VAC14: variants seen among roughly 807,000 people sequenced by gnomAD.
VAC14 encodes the protein protein VAC14 homolog.
A neutral mutation model predicts 85.3 loss-of-function variants in VAC14; 47 were observed. That is an observed-to-expected ratio of 0.55 (90% CI 0.44 to 0.70). VAC14 has a LOEUF of 0.70. VAC14 is among the 30% of genes least tolerant of loss of function. The pLI is 0.00. For missense variants in VAC14, 861 were observed against 1,004.3 expected, an observed-to-expected ratio of 0.86 and a Z score of 1.93; for synonymous variants, 447 against 430.5, an observed-to-expected ratio of 1.04 and a Z score of -0.47.
intron 18 of VAC14, 46 bp from the exon 19 acceptor site, chr16:70,688,136 A>AG: frequency 6.8e-7 from 1 of 1,469,140 alleles, no homozygotes; most frequent in Non-Finnish European, 9.1e-7. Flanking sequence ...ATCAGCTCAC[A>AG]GGGGGGTTAC....
chr16:70,723,920 T>C (rs577423333), intron 14 of VAC14, among the ~76,000 whole-genome samples: 2 of 152,282 alleles, frequency 1.3e-5, no homozygotes, highest in Admixed American at 6.5e-5. Flanking sequence ...CTCCTGGAAG[T>C]GGGGGTGACC....
At chr16:70,729,448 G>A (rs2054524456) in intron 14 of VAC14, among the ~76,000 whole-genome samples, 1 of 152,106 alleles carries the variant, frequency 6.6e-6, no homozygotes, top group Admixed American at 6.5e-5. Context: ...CCCATCCCCA[G>A]GGTGCCCTCA....
intron 10 of VAC14, chr16:70,766,418 T>C: frequency 2.2e-6 from 1 of 452,896 alleles, no homozygotes. Context: ...TTTCGTGTAT[T>C]AACATTCTCC....
At chr16:70,701,628 A>C (rs1567524673) in intron 14 of VAC14, among the ~76,000 whole-genome samples, 1 of 151,958 alleles carries the variant, frequency 6.6e-6, no homozygotes, top group Admixed American at 6.5e-5. Context: ...TCCTGCCCCC[A>C]CAGTCCACCC....
intron 13 of VAC14, among the ~76,000 whole-genome samples, chr16:70,734,783 C>T (rs772759816): frequency 4.1e-5 from 6 of 146,288 alleles, no homozygotes; most frequent in Admixed American, 2.0e-4. Context: ...TAAAAACCAA[C>T]CAACAAAGAA....
chr16:70,773,766 ATTATTAT>A (rs1184080380), intron 9 of VAC14, among the ~76,000 whole-genome samples: 1 of 151,734 alleles, frequency 6.6e-6, no homozygotes, highest in African/African-American at 2.4e-5. Context: ...AATTATTATT[ATTATTAT>A]TTTTTTTTGA....
chr16:70,694,859 C>T (rs1426047854), intron 17 of VAC14, among the ~76,000 whole-genome samples: 1 of 152,246 alleles, frequency 6.6e-6, no homozygotes, highest in East Asian at 1.9e-4. Flanking sequence ...AGGCATGGCT[C>T]TTGGGCCAAC....
rs765700918 is a variant in VAC14 at position 70,781,941 on chromosome 16, C to T, written c.874G>A (p.Val292Ile). ...ATCCCGGAGGAGTAAGGCAGCATGA[C>T]GCGGCCCGCCAGCTGGATGAACTCC... Reference protein sequence around the residue: ...MREFIQLAGRVMLPYSSGILT... With the variant: ...MREFIQLAGRIMLPYSSGILT... The change falls in exon 8 of 19, where the codon GTC (valine) becomes ATC (isoleucine). Residue 292 changes from valine (V) to isoleucine (I), a missense_variant. Val to Ile is a conservative substitution (Grantham distance 29). Coordinates refer to ENST00000261776, the MANE Select transcript of VAC14 (RefSeq NM_018052.5). The T allele has an allele frequency of 2.0e-5, 32 of 1,614,028 alleles. No homozygotes were observed. Among genetic ancestry groups the T allele is most frequent in the East Asian group, 1.3e-4 (6 of 44,890 alleles).
intron 13 of VAC14, among the ~76,000 whole-genome samples, chr16:70,733,950 G>A (rs567740136): frequency 6.2e-4 from 94 of 152,178 alleles, no homozygotes; most frequent in African/African-American, 2.0e-3. Context: ...AGCCTCCCAA[G>A]TAGCTGGGAC....
At chr16:70,750,737 G>A (rs79801904) in intron 12 of VAC14, among the ~76,000 whole-genome samples, 2,833 of 152,210 alleles carry the variant, frequency 0.019, 86 homozygotes, top group African/African-American at 0.063. Context: ...AGTCTCTCTG[G>A]GATGGTGGCT....
At chr16:70,718,577 AAAAAAAAAAAC>A in intron 14 of VAC14, among the ~76,000 whole-genome samples, 1 of 151,700 alleles carries the variant, frequency 6.6e-6, no homozygotes, top group South Asian at 2.1e-4. Flanking sequence ...CCTTTTTAAA[AAAAAAAAAAAC>A]AAAAAAACAA....
At chr16:70,760,133 C>T (rs761426396) in intron 12 of VAC14, among the ~76,000 whole-genome samples, 1 of 152,116 alleles carries the variant, frequency 6.6e-6, no homozygotes, top group Non-Finnish European at 1.5e-5. Context: ...GCCTTCGCAG[C>T]GAGCACTGAG....
chr16:70,700,542 GGAC>G (rs1301678929), intron 14 of VAC14, among the ~76,000 whole-genome samples: 1 of 152,192 alleles, frequency 6.6e-6, no homozygotes, highest in African/African-American at 2.4e-5. Flanking sequence ...GGCAGCCTGA[GGAC>G]GAGGAACAAG....
At chr16:70,784,863 G>A in intron 3 of VAC14, 25 bp from the exon 4 acceptor site, 1 of 1,609,542 alleles carries the variant, frequency 6.2e-7, no homozygotes. Context: ...GACAGGGGAG[G>A]GACACAGAGG....
intron 1 of VAC14, among the ~76,000 whole-genome samples, chr16:70,799,428 G>T (rs1225435754): frequency 3.3e-5 from 5 of 152,170 alleles, no homozygotes; most frequent in African/African-American, 7.2e-5. Context: ...ATGGAGGCAG[G>T]GTGGGGGATT....
intron 7 of VAC14, 144 bp from the exon 8 acceptor site, chr16:70,782,147 CTG>C (rs1410430524): frequency 1.7e-5 from 20 of 1,196,130 alleles, no homozygotes; most frequent in African/African-American, 6.2e-5. Context: ...GCTCTACTAC[CTG>C]TGTGCTTTGC....
chr16:70,700,165 A>C (rs1597855520), intron 14 of VAC14: 1 of 149,554 alleles, frequency 6.7e-6, no homozygotes. Flanking sequence ...ATTCCTCCCC[A>C]CCCCCAGCCC....
intron 1 of VAC14, among the ~76,000 whole-genome samples, chr16:70,789,467 G>A (rs1346462849): frequency 5.3e-5 from 8 of 152,208 alleles, no homozygotes; most frequent in Non-Finnish European, 1.5e-5. Flanking sequence ...CCCAAGAATG[G>A]GGTTAAAGGG....
At chr16:70,789,552 C>A (rs1222187349) in intron 1 of VAC14, among the ~76,000 whole-genome samples, 1 of 152,202 alleles carries the variant, frequency 6.6e-6, no homozygotes, top group African/African-American at 2.4e-5. Flanking sequence ...ACGCGGGAGG[C>A]CCGGGTTCGA....
Sources: allele counts gnomAD v4.1 joint callset (sites outside exome capture counted in the v4.1 genomes callset), GRCh38; gene constraint gnomAD v4.1.1; transcripts MANE v1.5; gene names NCBI Gene and HGNC (gene_info 2026-07-23, HGNC 2026-07-21).